Variants in THSD7A observed in about 807,000 individuals in gnomAD.
THSD7A encodes the protein thrombospondin type 1 domain containing 7A, also known as thrombospondin type-1 domain-containing protein 7A.
THSD7A carries 96 observed loss-of-function variants against 231.3 expected under a neutral mutation model. The observed-to-expected ratio is 0.41, with a 90% CI of 0.35 to 0.49. THSD7A has a LOEUF of 0.49. Ranked by LOEUF, THSD7A falls within the 20% of genes least tolerant of loss-of-function variation. The pLI, the probability that THSD7A is intolerant of heterozygous loss-of-function variation, is 0.05. For synonymous variants in THSD7A, 940 were observed against 743.3 expected (o/e 1.26, Z -4.30); for missense variants, 2,290 against 2,070.2 (o/e 1.11, Z -2.06).
chr7:11,622,018 C>T (rs1388634647), intron 2 of THSD7A, among the ~76,000 whole-genome samples: 1 of 152,100 alleles, frequency 6.6e-6, no homozygotes, highest in African/African-American at 2.4e-5. Context: ...TATTTGGATG[C>T]TTCCAGAATT....
intron 23 of THSD7A, among the ~76,000 whole-genome samples, chr7:11,398,624 TG>T (rs1276853988): frequency 6.6e-6 from 1 of 152,142 alleles, no homozygotes; most frequent in African/African-American, 2.4e-5. Flanking sequence ...AAGTAGGAGT[TG>T]AAGTATTGCT....
chr7:11,767,140 A>G (rs186635589), intron 1 of THSD7A, among the ~76,000 whole-genome samples: 33 of 152,286 alleles, frequency 2.2e-4, no homozygotes, highest in Non-Finnish European at 4.3e-4. Context: ...ATAGTTCATG[A>G]ACATAAGGAG....
At chr7:11,692,989 G>A (rs1780280708) in intron 1 of THSD7A, among the ~76,000 whole-genome samples, 1 of 151,220 alleles carries the variant, frequency 6.6e-6, no homozygotes, top group South Asian at 2.1e-4. Flanking sequence ...CATGCTATAA[G>A]GTTTTTTTGT....
chr7:11,429,361 T>A (rs1277621501), intron 13 of THSD7A, among the ~76,000 whole-genome samples: 1 of 152,218 alleles, frequency 6.6e-6, no homozygotes. Context: ...TTAGGATTCA[T>A]GCTCACCATA....
intron 6 of THSD7A, among the ~76,000 whole-genome samples, chr7:11,491,443 T>C (rs916915299): frequency 3.9e-5 from 6 of 151,996 alleles, no homozygotes; most frequent in Non-Finnish European, 8.8e-5. Context: ...GTAATTAACA[T>C]GAACTTTTCA....
intron 1 of THSD7A, chr7:11,820,607 T>G (rs1784846421): frequency 2.7e-6 from 2 of 734,516 alleles, no homozygotes; most frequent in Non-Finnish European, 4.9e-6. Context: ...GGCCTCTTCC[T>G]CTGGCTTGAA....
At chr7:11,548,721 T>C (rs182724416) in intron 4 of THSD7A, among the ~76,000 whole-genome samples, 269 of 152,042 alleles carry the variant, frequency 1.8e-3, no homozygotes, top group African/African-American at 6.1e-3. Context: ...CAAATAAATA[T>C]GATTCATCAT....
intron 1 of THSD7A, among the ~76,000 whole-genome samples, chr7:11,740,935 CA>C (rs1428181791): frequency 1.3e-5 from 2 of 152,066 alleles, no homozygotes; most frequent in Non-Finnish European, 2.9e-5. Flanking sequence ...ATGTGAATTA[CA>C]TAACGCTGTT....
At chr7:11,481,497 C>T (rs39194) in intron 7 of THSD7A, among the ~76,000 whole-genome samples, 149,854 of 152,260 alleles carry the variant, frequency 0.98, 73,762 homozygotes, top group East Asian at 1. Context: ...TTCAGACCTT[C>T]TTAAAGGCCT....
chr7:11,514,740 ATAC>A (rs1787955627), intron 6 of THSD7A, among the ~76,000 whole-genome samples: 1 of 152,202 alleles, frequency 6.6e-6, no homozygotes, highest in Non-Finnish European at 1.5e-5. Flanking sequence ...ATATTAAACA[ATAC>A]TACGTGTGCT....
At chr7:11,493,036 C>A (rs928630636) in intron 6 of THSD7A, among the ~76,000 whole-genome samples, 2 of 152,084 alleles carry the variant, frequency 1.3e-5, no homozygotes, top group East Asian at 3.9e-4. Flanking sequence ...ATTAGGAACT[C>A]CCAGCCCATT....
At chr7:11,586,785 G>T (rs146415343) in intron 4 of THSD7A, among the ~76,000 whole-genome samples, 1 of 151,764 alleles carries the variant, frequency 6.6e-6, no homozygotes, top group Non-Finnish European at 1.5e-5. Flanking sequence ...TTACCTTTCC[G>T]TCTATCCATT....
At chr7:11,523,451 G>A (rs777761006) in intron 6 of THSD7A, among the ~76,000 whole-genome samples, 9 of 151,916 alleles carry the variant, frequency 5.9e-5, no homozygotes, top group Non-Finnish European at 1.0e-4. Flanking sequence ...GGAGGTGGGG[G>A]TACACCGAAC....
intron 23 of THSD7A, chr7:11,385,308 C>T (rs929839852): frequency 6.6e-6 from 1 of 151,948 alleles, no homozygotes; most frequent in Non-Finnish European, 1.5e-5. Context: ...TGGCTGGAAC[C>T]TCCTTCACTA....
At chr7:11,378,878 T>C (rs1782388045) in intron 26 of THSD7A, 192 bp downstream of exon 26, 7 of 591,390 alleles carry the variant, frequency 1.2e-5, no homozygotes, top group Non-Finnish European at 2.0e-5. Context: ...TTCATTTCTC[T>C]GAACTTCAAA....
At chr7:11,575,234 T>C (rs1257324632) in intron 4 of THSD7A, among the ~76,000 whole-genome samples, 2 of 152,212 alleles carry the variant, frequency 1.3e-5, no homozygotes, top group African/African-American at 4.8e-5. Flanking sequence ...ATTATTTTTT[T>C]CTTGAAGGAA....
At chr7:11,757,131 C>T (rs1429648463) in intron 1 of THSD7A, among the ~76,000 whole-genome samples, 5 of 151,722 alleles carry the variant, frequency 3.3e-5, no homozygotes, top group African/African-American at 4.8e-5. Flanking sequence ...AATATAAAGC[C>T]ACTGCAAACG....
At chr7:11,656,321 T>G (rs1398364026) in intron 1 of THSD7A, among the ~76,000 whole-genome samples, 2 of 151,858 alleles carry the variant, frequency 1.3e-5, no homozygotes, top group African/African-American at 4.8e-5. Context: ...CACAACAAAT[T>G]AAATTATTTT....
At chr7:11,419,194 C>G (rs1784058145) in intron 16 of THSD7A, among the ~76,000 whole-genome samples, 1 of 152,118 alleles carries the variant, frequency 6.6e-6, no homozygotes, top group African/African-American at 2.4e-5. Context: ...TCTTTATTTT[C>G]AAAGATTTCT....
Sources: gnomAD v4.1 joint callset for allele counts (sites outside exome capture counted in the v4.1 genomes callset) on GRCh38, gnomAD v4.1.1 for gene constraint, MANE v1.5 for transcripts, NCBI Gene and HGNC (gene_info 2026-07-23, HGNC 2026-07-21) for gene names.